Variants in GALNT17 observed in about 807,000 individuals in gnomAD.
GALNT17 encodes the protein UDP-GalNAc:polypeptide N-acetylgalactosaminyltransferase-like 3.
In GALNT17, 29 loss-of-function variants were observed where a neutral mutation model predicts 63.7. That is an observed-to-expected ratio of 0.46 (90% CI 0.34 to 0.62). GALNT17 has a LOEUF of 0.62. Among genes scored for constraint, GALNT17 ranks in the 20% least tolerant of loss-of-function variants. GALNT17 has a pLI of 0.01. For missense variants in GALNT17, 603 were observed against 799.6 expected, an observed-to-expected ratio of 0.75 and a Z score of 2.97; for synonymous variants, 305 against 318.3, an observed-to-expected ratio of 0.96 and a Z score of 0.45.
At chr7:71,453,066 G>A (rs1787294902) in intron 5 of GALNT17, among the ~76,000 whole-genome samples, 1 of 152,184 alleles carries the variant, frequency 6.6e-6, no homozygotes, top group Non-Finnish European at 1.5e-5. Flanking sequence ...AGGAGGGTAA[G>A]AGACATGCCA....
rs568930657 is a variant in GALNT17, at chr7:71,368,923, G to A, written c.423-19312G>A. On this transcript the variant is annotated intron_variant, in intron 2 of 10. Coordinates refer to ENST00000333538, the MANE Select transcript of GALNT17 (RefSeq NM_022479.3). ...ATACTGCCCAGTTTCCTCGGGGGTG[G>A]GGGGGGGTGTTCCTCTCTCCTAGCT... Among the ~76,000 whole-genome samples, 63 of 83,318 alleles carry A rather than the reference G, an allele frequency of 7.6e-4. 2 individuals carry two copies. The South Asian group carries it at 0.019, about 25-fold the overall frequency. 54.7% of individuals were successfully genotyped at this position (83,318 alleles called of 152,430 possible).
intron 3 of GALNT17, among the ~76,000 whole-genome samples, chr7:71,401,709 C>T (rs774776372): frequency 2.0e-5 from 3 of 152,108 alleles, no homozygotes; most frequent in Admixed American, 1.3e-4. Context: ...GTTGCGCGCT[C>T]CTTATGAGAA....
At chr7:71,415,205 T>C (rs1237960458) in intron 3 of GALNT17, among the ~76,000 whole-genome samples, 1 of 152,138 alleles carries the variant, frequency 6.6e-6, no homozygotes, top group Admixed American at 6.5e-5. Flanking sequence ...TTAGATTCAG[T>C]TGAGTTGTGT....
intron 9 of GALNT17, among the ~76,000 whole-genome samples, chr7:71,677,602 C>T (rs1476884286): frequency 6.6e-6 from 1 of 151,618 alleles, no homozygotes; most frequent in Admixed American, 6.6e-5. Context: ...GCAACCTCCG[C>T]CTCCCAGGCT....
chr7:71,208,019 C>T (rs28568816), intron 1 of GALNT17, among the ~76,000 whole-genome samples: 83,802 of 151,062 alleles, frequency 0.55, 23,780 homozygotes, highest in South Asian at 0.69. Context: ...ACTGCAACCT[C>T]GACCCCCCTG....
intron 3 of GALNT17, among the ~76,000 whole-genome samples, chr7:71,414,980 T>C (rs943524256): frequency 2.1e-5 from 3 of 141,898 alleles, no homozygotes; most frequent in Non-Finnish European, 4.5e-5. Context: ...ACACAAAGTA[T>C]CACTTTTTTT....
intron 2 of GALNT17, among the ~76,000 whole-genome samples, chr7:71,372,550 C>T (rs1792644326): frequency 6.6e-6 from 1 of 152,194 alleles, no homozygotes; most frequent in Non-Finnish European, 1.5e-5. Context: ...CTCCCGGGCT[C>T]AAGTGGTCCT....
At chr7:71,245,642 T>C (rs951985859) in intron 1 of GALNT17, among the ~76,000 whole-genome samples, 2 of 152,160 alleles carry the variant, frequency 1.3e-5, no homozygotes, top group African/African-American at 4.8e-5. Context: ...GGGACTGAAC[T>C]GGTTTAGATT....
Position 71,158,064 on chromosome 7 carries a change from T to G in GALNT17, c.238+25024T>G, listed in dbSNP as rs973416301. On this transcript the variant is annotated intron_variant, in intron 1 of 10. Coordinates refer to ENST00000333538, the MANE Select transcript of GALNT17 (RefSeq NM_022479.3). ...TAGGTTGATTCCATACCTTGGCAAT[T>G]GTGAATAGTGCTGCAATAAACAAGG... Among the ~76,000 whole-genome samples the G allele has an allele frequency of 7.9e-5, 12 of 151,860 alleles. 1 individual carries two copies. The highest frequency in any genetic ancestry group is 2.9e-4 in the African/African-American group (12 of 41,154).
intron 1 of GALNT17, among the ~76,000 whole-genome samples, chr7:71,311,633 G>A (rs1007560466): frequency 6.6e-5 from 10 of 152,124 alleles, no homozygotes; most frequent in East Asian, 3.9e-4. Context: ...GATGAGCAGC[G>A]CAGCATCTCA....
intron 6 of GALNT17, among the ~76,000 whole-genome samples, chr7:71,628,109 A>G (rs1344979921): frequency 7.1e-6 from 1 of 139,896 alleles, no homozygotes; most frequent in African/African-American, 2.6e-5. Flanking sequence ...AGAGGTGATA[A>G]TGAAAAAAAA....
At chr7:71,691,543 T>C (rs566454403) in intron 9 of GALNT17, among the ~76,000 whole-genome samples, 16 of 152,360 alleles carry the variant, frequency 1.1e-4, no homozygotes, top group East Asian at 9.6e-4. Context: ...ATTACTGTAC[T>C]ATTTCTTTCC....
intron 5 of GALNT17, among the ~76,000 whole-genome samples, chr7:71,489,706 G>T (rs944335270): frequency 6.6e-6 from 1 of 152,210 alleles, no homozygotes; most frequent in Non-Finnish European, 1.5e-5. Context: ...TTGGCGGCGG[G>T]CTGGGCAGGA....
At chr7:71,685,921 T>G (rs906715399) in intron 9 of GALNT17, among the ~76,000 whole-genome samples, 67 of 150,292 alleles carry the variant, frequency 4.5e-4, no homozygotes, top group Non-Finnish European at 8.6e-4. Context: ...TGGGTTTTTT[T>G]TTTTTTTTCT....
chr7:71,510,767 C>T (rs1160384423), intron 5 of GALNT17, among the ~76,000 whole-genome samples: 1 of 152,090 alleles, frequency 6.6e-6, no homozygotes, highest in Non-Finnish European at 1.5e-5. Context: ...AAAGCCTGTC[C>T]TCATGATGTT....
intron 1 of GALNT17, among the ~76,000 whole-genome samples, chr7:71,151,318 T>C (rs73361714): frequency 0.019 from 2,819 of 152,248 alleles, 88 homozygotes; most frequent in African/African-American, 0.064. Flanking sequence ...TGACCTGCTA[T>C]TGGATTTAAG....
At chr7:71,652,424 A>G (rs1790766994) in intron 6 of GALNT17, among the ~76,000 whole-genome samples, 1 of 152,190 alleles carries the variant, frequency 6.6e-6, no homozygotes, top group South Asian at 2.1e-4. Flanking sequence ...GTTGATTTAA[A>G]CTGGGAAAAG....
At chr7:71,679,248 CA>C (rs907582253) in intron 9 of GALNT17, among the ~76,000 whole-genome samples, 10 of 151,988 alleles carry the variant, frequency 6.6e-5, no homozygotes, top group African/African-American at 2.4e-4. Flanking sequence ...CCCGCCTCTA[CA>C]AAAAATACAT....
At chr7:71,606,354 G>A (rs147443786) in intron 6 of GALNT17, among the ~76,000 whole-genome samples, 1 of 152,270 alleles carries the variant, frequency 6.6e-6, no homozygotes, top group Non-Finnish European at 1.5e-5. Context: ...CACCTTTGGT[G>A]GTCAGCATGC....
Sources: allele counts gnomAD v4.1 joint callset (sites outside exome capture counted in the v4.1 genomes callset), GRCh38; gene constraint gnomAD v4.1.1; transcripts MANE v1.5; gene names NCBI Gene and HGNC (gene_info 2026-07-23, HGNC 2026-07-21).